ARFIP1: variants seen among roughly 807,000 people sequenced by gnomAD.
ARFIP1 encodes the protein arfaptin-1.
Under a neutral mutation model 42.5 loss-of-function variants are expected in ARFIP1, and 24 were observed. That is an observed-to-expected ratio of 0.57 (90% CI 0.41 to 0.80). The LOEUF is 0.80. Ranked by LOEUF, ARFIP1 falls within the 30% of genes least tolerant of loss-of-function variation. The pLI is 0.00. For synonymous variants in ARFIP1, 141 were observed against 153.7 expected (o/e 0.92, Z 0.61); for missense variants, 354 against 434.0 (o/e 0.82, Z 1.64).
intron 8 of ARFIP1, among the ~76,000 whole-genome samples, chr4:152,895,911 T>A (rs1358074615): frequency 6.6e-6 from 1 of 152,116 alleles, no homozygotes; most frequent in African/African-American, 2.4e-5. Context: ...GATAGAGGTA[T>A]AATGGTCTTA....
intron 1 of ARFIP1, among the ~76,000 whole-genome samples, chr4:152,804,103 TATATA>T (rs1446040544): frequency 5.8e-5 from 7 of 120,470 alleles, no homozygotes; most frequent in African/African-American, 1.6e-4. Context: ...ATATATATTA[TATATA>T]ATATAACATG....
At chr4:152,840,798 A>G (rs188089405) in intron 2 of ARFIP1, among the ~76,000 whole-genome samples, 50 of 143,818 alleles carry the variant, frequency 3.5e-4, no homozygotes, top group Admixed American at 3.4e-3. Context: ...GGCTCACTGC[A>G]GCTTCCACCT....
At chr4:152,886,598 A>T (rs1736282213) in intron 7 of ARFIP1, among the ~76,000 whole-genome samples, 1 of 152,008 alleles carries the variant, frequency 6.6e-6, no homozygotes, top group Admixed American at 6.6e-5. Flanking sequence ...TCTGTCTGAG[A>T]TACCTTTTCA....
At chr4:152,802,643 T>TAA (rs1218543370) in intron 1 of ARFIP1, among the ~76,000 whole-genome samples, 1 of 152,210 alleles carries the variant, frequency 6.6e-6, no homozygotes, top group South Asian at 2.1e-4. Flanking sequence ...TATAATGTCT[T>TAA]ACGCAGTTCC....
intron 1 of ARFIP1, among the ~76,000 whole-genome samples, chr4:152,826,265 A>G (rs1306703904): frequency 2.0e-5 from 3 of 152,210 alleles, no homozygotes; most frequent in Non-Finnish European, 2.9e-5. Flanking sequence ...GGGTTTATAT[A>G]TACCATGGAA....
rs1224288917 is a variant in ARFIP1 at position 152,860,515 on chromosome 4, CAA to C, written c.94-3088_94-3087del. 7.2e-5 allele frequency among the ~76,000 whole-genome samples: 11 copies of C among 152,152 alleles called. No individual in the cohort carries two copies. The South Asian group carries it at 8.3e-4, about 11-fold the overall frequency. On this transcript the variant is annotated intron_variant, in intron 2 of 8. Transcript: ENST00000353617. ...GTCCAAAAAGCATACTAAAATGCAA[CAA>C]AAGAGTCACAGAGATTACCTTGAAC...
chr4:152,862,840 G>T (rs1734000910), intron 2 of ARFIP1, among the ~76,000 whole-genome samples: 1 of 152,106 alleles, frequency 6.6e-6, no homozygotes, highest in Admixed American at 6.6e-5. Flanking sequence ...TGTAGCCTCA[G>T]CTTTACTTCT....
At chr4:152,905,888 G>C (rs538764248) in intron 8 of ARFIP1, among the ~76,000 whole-genome samples, 1 of 151,936 alleles carries the variant, frequency 6.6e-6, no homozygotes, top group Non-Finnish European at 1.5e-5. Flanking sequence ...CAAGTTCTTT[G>C]ATACCTGTTT....
chr4:152,825,614 T>G (rs149331217), intron 1 of ARFIP1, among the ~76,000 whole-genome samples: 1 of 152,188 alleles, frequency 6.6e-6, no homozygotes, highest in Non-Finnish European at 1.5e-5. Flanking sequence ...AAAACTCTTC[T>G]GGACATTGGC....
At chr4:152,844,219 G>A (rs1732354954) in intron 2 of ARFIP1, among the ~76,000 whole-genome samples, 1 of 152,188 alleles carries the variant, frequency 6.6e-6, no homozygotes, top group African/African-American at 2.4e-5. Flanking sequence ...TGGGAGAGGA[G>A]GCTCTCCCTT....
At chr4:152,788,931 G>A (rs2149814607) in intron 1 of ARFIP1, among the ~76,000 whole-genome samples, 1 of 149,732 alleles carries the variant, frequency 6.7e-6, no homozygotes, top group South Asian at 2.1e-4. Context: ...TGATAGTTTT[G>A]AAGATTACTG....
intron 1 of ARFIP1, among the ~76,000 whole-genome samples, chr4:152,785,930 T>A (rs1290902654): frequency 6.6e-6 from 1 of 152,200 alleles, no homozygotes; most frequent in Admixed American, 6.5e-5. Flanking sequence ...TTAGAACATT[T>A]CCAACAACAT....
intron 2 of ARFIP1, among the ~76,000 whole-genome samples, chr4:152,856,315 A>C (rs190240857): frequency 6.6e-6 from 1 of 152,184 alleles, no homozygotes; most frequent in Non-Finnish European, 1.5e-5. Context: ...TACATCTAAC[A>C]TAACCATTCT....
intron 4 of ARFIP1, among the ~76,000 whole-genome samples, chr4:152,871,344 G>T (rs1357058268): frequency 1.3e-5 from 2 of 152,120 alleles, no homozygotes; most frequent in African/African-American, 2.4e-5. Flanking sequence ...TATACCCAAT[G>T]AAAAATACTT....
intron 1 of ARFIP1, among the ~76,000 whole-genome samples, chr4:152,795,629 A>G (rs1731397965): frequency 6.6e-6 from 1 of 152,106 alleles, no homozygotes; most frequent in Non-Finnish European, 1.5e-5. Flanking sequence ...GAATGGTTGT[A>G]CCAATTTGTA....
At chr4:152,792,150 A>C (rs948309297) in intron 1 of ARFIP1, among the ~76,000 whole-genome samples, 1 of 152,194 alleles carries the variant, frequency 6.6e-6, no homozygotes, top group African/African-American at 2.4e-5. Context: ...AAGTTTTGCT[A>C]CTTTTTGCTC....
At chr4:152,797,096 C>G (rs1731517110) in intron 1 of ARFIP1, among the ~76,000 whole-genome samples, 1 of 152,134 alleles carries the variant, frequency 6.6e-6, no homozygotes, top group African/African-American at 2.4e-5. Flanking sequence ...AGTACTTTCT[C>G]TGGTTTCATA....
chr4:152,782,156 T>C (rs1392424940), intron 1 of ARFIP1, among the ~76,000 whole-genome samples: 2 of 151,504 alleles, frequency 1.3e-5, no homozygotes, highest in Non-Finnish European at 2.9e-5. Flanking sequence ...AGGAGATATA[T>C]AGCTTCTTGA....
At chr4:152,826,574 G>A (rs1322793899) in intron 1 of ARFIP1, among the ~76,000 whole-genome samples, 1 of 151,996 alleles carries the variant, frequency 6.6e-6, no homozygotes, top group African/African-American at 2.4e-5. Context: ...TCCCTACTAC[G>A]TACTTCATCC....
Sources: allele counts gnomAD v4.1 joint callset (sites outside exome capture counted in the v4.1 genomes callset), GRCh38; gene constraint gnomAD v4.1.1; transcripts MANE v1.5; gene names NCBI Gene and HGNC (gene_info 2026-07-23, HGNC 2026-07-21).